Variants in LRIG1 observed in about 807,000 individuals in gnomAD.
LRIG1 encodes the protein leucine rich repeats and immunoglobulin like domains 1.
In LRIG1, 48 loss-of-function variants were observed where a neutral mutation model predicts 99.2. The observed-to-expected ratio is 0.48, with a 90% confidence interval of 0.38 to 0.62. The LOEUF (loss-of-function observed/expected upper bound fraction) is 0.62, where lower values mean the gene tolerates loss of function less well. Ranked by LOEUF, LRIG1 falls within the 20% of genes least tolerant of loss-of-function variation. The pLI, the probability that LRIG1 is intolerant of heterozygous loss-of-function variation, is 0.00. For synonymous variants in LRIG1, 772 were observed against 596.1 expected, an observed-to-expected ratio of 1.29 and a Z score of -4.30; for missense variants, 1,646 against 1,434.4, an observed-to-expected ratio of 1.15 and a Z score of -2.38.
chr3:66,381,698 G>A (rs1254066023), intron 16 of LRIG1, 67 bp from the exon 17 acceptor site: 18 of 1,538,710 alleles, frequency 1.2e-5, no homozygotes, highest in African/African-American at 8.2e-5. Context: ...CTTATGAAAG[G>A]AATGAGCAAG....
intron 1 of LRIG1, among the ~76,000 whole-genome samples, chr3:66,463,988 C>T (rs1700414370): frequency 6.6e-6 from 1 of 152,190 alleles, no homozygotes; most frequent in Admixed American, 6.5e-5. Flanking sequence ...ATGCTTTAAA[C>T]CGCATATTGA....
intron 3 of LRIG1, among the ~76,000 whole-genome samples, chr3:66,432,444 T>C (rs572506413): frequency 3.3e-5 from 5 of 152,316 alleles, no homozygotes; most frequent in African/African-American, 9.6e-5. Context: ...GTAGCCATAA[T>C]GGCAGGAACA....
In LRIG1 at chr3:66,381,476, T is replaced by C; in HGVS notation, c.2770+3A>G. ...ACTACTTCCAATGGGAAGCATCTCA[T>C]ACCCATCTTATGTGGCCCAGGTGTC... On this transcript the variant is annotated splice_donor_region_variant and intron_variant, in intron 17 of 18. Transcript: ENST00000273261. The C allele has an allele frequency of 1.2e-6, 2 of 1,612,042 alleles. No homozygotes were observed. The highest frequency in any genetic ancestry group is 1.7e-6 in the Non-Finnish European group (2 of 1,178,256).
At chr3:66,410,087 T>A (rs780230761) in intron 7 of LRIG1, 42 bp downstream of exon 7, 1 of 1,569,750 alleles carries the variant, frequency 6.4e-7, no homozygotes, top group African/African-American at 1.4e-5. Flanking sequence ...CTCCAAGCAG[T>A]GTCTAAAAAC....
In LRIG1 at chr3:66,383,418, G is replaced by A. The variant is rs1300418378; in HGVS notation, c.2072-17C>T. The A allele has an allele frequency of 1.3e-6, 2 of 1,527,664 alleles. No homozygotes were observed. Among genetic ancestry groups the A allele is most frequent in the South Asian group, 1.3e-5 (1 of 77,606 alleles). The allele number at this position is 1,527,664 out of a possible 1,614,324, so 94.6% of individuals were successfully genotyped here. ...ATGGGGTCTCTACAAGAGAGCAACA[G>A]AGATCTTAGTCATTCTCAGGGCCTC... On this transcript the variant is annotated splice_polypyrimidine_tract_variant and intron_variant, in intron 14 of 18. Coordinates refer to ENST00000273261, the MANE Select transcript of LRIG1 (RefSeq NM_015541.3).
At chr3:66,415,338 G>T (rs571166442) in intron 4 of LRIG1, among the ~76,000 whole-genome samples, 1 of 152,136 alleles carries the variant, frequency 6.6e-6, no homozygotes, top group East Asian at 1.9e-4. Context: ...GGGTGGGAGT[G>T]AAAGTCAAAC....
intron 8 of LRIG1, 109 bp downstream of exon 8, chr3:66,407,239 A>T (rs1702301041): frequency 8.3e-7 from 1 of 1,198,950 alleles, no homozygotes; most frequent in Non-Finnish European, 1.2e-6. Flanking sequence ...CTTTGGATCC[A>T]ATTCTGACTC....
chr3:66,425,875 G>A (rs958710934), intron 3 of LRIG1, among the ~76,000 whole-genome samples: 3 of 152,212 alleles, frequency 2.0e-5, no homozygotes, highest in South Asian at 2.1e-4. Flanking sequence ...CGGAAAGCAG[G>A]CAAGATAAGC....
At chr3:66,475,570 C>T (rs112200079) in intron 1 of LRIG1, among the ~76,000 whole-genome samples, 9 of 152,236 alleles carry the variant, frequency 5.9e-5, no homozygotes, top group South Asian at 2.1e-4. Context: ...GTCTAGTCCG[C>T]ATGGCTACAC....
intron 1 of LRIG1, among the ~76,000 whole-genome samples, chr3:66,480,708 C>T (rs1700829903): frequency 1.3e-5 from 2 of 152,188 alleles, no homozygotes; most frequent in African/African-American, 4.8e-5. Context: ...TGCAGAAAAC[C>T]TCAGCTAGAG....
At chr3:66,441,502 C>T (rs946158530) in intron 3 of LRIG1, among the ~76,000 whole-genome samples, 1 of 152,152 alleles carries the variant, frequency 6.6e-6, no homozygotes, top group Non-Finnish European at 1.5e-5. Flanking sequence ...GGGGGAAGGA[C>T]CTTCTGTTAC....
rs896669938 is a variant in LRIG1 at position 66,470,638 on chromosome 3, C to G, written c.219-8129G>C. Among the ~76,000 whole-genome samples, 14 of 152,152 alleles carry G rather than the reference C, an allele frequency of 9.2e-5. 1 individual carries two copies. Among genetic ancestry groups the G allele is most frequent in the Non-Finnish European group, 1.8e-4 (12 of 68,032 alleles). Reference sequence around the variant, plus strand: ...GCAAACCCCAGTGCCAGGTCCCTCACGAACATTAATCTATGGGGCCATTAA... The same window carrying G: ...GCAAACCCCAGTGCCAGGTCCCTCAGGAACATTAATCTATGGGGCCATTAA... On this transcript the variant is annotated intron_variant, in intron 1 of 18. Coordinates refer to ENST00000273261, the MANE Select transcript of LRIG1 (RefSeq NM_015541.3).
intron 6 of LRIG1, among the ~76,000 whole-genome samples, chr3:66,410,812 A>C (rs1368192364): frequency 6.6e-6 from 1 of 152,222 alleles, no homozygotes; most frequent in Non-Finnish European, 1.5e-5. Context: ...CACATGAGGA[A>C]TGTGCTGCTG....
At position 66,500,271 on chromosome 3, in the gene LRIG1, G is replaced by C; in HGVS notation, c.137C>G (p.Thr46Ser). 1 of 1,492,748 alleles carries C rather than the reference G, an allele frequency of 6.7e-7. No homozygotes were observed. The highest frequency in any genetic ancestry group is 8.9e-7 in the Non-Finnish European group (1 of 1,127,750). The allele number at this position is 1,492,748 out of a possible 1,614,324, so 92.5% of individuals were successfully genotyped here. ...GPRAPCAAAC[T>S]CAGDSLDCGG... ...GCAGTCCAGCGAGTCCCCAGCGCAA[G>C]TGCAGGCGGCCGCGCAGGGCGCCCG... The change falls in exon 1 of 19, where the codon ACT (threonine) becomes AGT (serine). Residue 46 changes from threonine (T) to serine (S), a missense_variant. Physicochemically the swap from Thr to Ser is moderately conservative, Grantham distance 58. Coordinates refer to ENST00000273261, the MANE Select transcript of LRIG1 (RefSeq NM_015541.3).
rs147322262 is a variant in LRIG1, at chr3:66,463,723, C to T, written c.219-1214G>A. ...CTCACACTACTGCCAATTAACAGTA[C>T]GACTAATTTTGAGTTTAAAGTCTGT... On this transcript the variant is annotated intron_variant, in intron 1 of 18. Transcript: ENST00000273261. 1.1e-4 allele frequency among the ~76,000 whole-genome samples: 16 copies of T among 152,304 alleles called. No individual in the cohort carries two copies. The East Asian group carries it at 2.5e-3, about 24-fold the overall frequency.
chr3:66,496,225 G>A (rs1701224599), intron 1 of LRIG1, among the ~76,000 whole-genome samples: 1 of 152,198 alleles, frequency 6.6e-6, no homozygotes, highest in Non-Finnish European at 1.5e-5. Context: ...GAAAAGCGGG[G>A]CAGGAACAGT....
chr3:66,411,726 G>A (rs574499103), intron 6 of LRIG1, among the ~76,000 whole-genome samples: 11 of 152,208 alleles, frequency 7.2e-5, no homozygotes, highest in East Asian at 1.9e-4. Flanking sequence ...GATATAATTT[G>A]CCCAGACTGG....
At chr3:66,446,162 T>C (rs1703713852) in intron 3 of LRIG1, among the ~76,000 whole-genome samples, 1 of 152,164 alleles carries the variant, frequency 6.6e-6, no homozygotes, top group African/African-American at 2.4e-5. Flanking sequence ...TAAGTATTCC[T>C]ATTGACTTTA....
At chr3:66,403,618 A>G (rs1247135788) in intron 9 of LRIG1, among the ~76,000 whole-genome samples, 1 of 152,198 alleles carries the variant, frequency 6.6e-6, no homozygotes, top group East Asian at 1.9e-4. Context: ...ACCAGGGCAC[A>G]GAGGGCGGGC....
Sources: gnomAD v4.1 joint callset for allele counts (sites outside exome capture counted in the v4.1 genomes callset) on GRCh38, gnomAD v4.1.1 for gene constraint, MANE v1.5 for transcripts, NCBI Gene and HGNC (gene_info 2026-07-23, HGNC 2026-07-21) for gene names.